DOCK8: variants seen among roughly 807,000 people sequenced by gnomAD.
DOCK8 encodes dedicator of cytokinesis protein 8.
Under a neutral mutation model 245.6 loss-of-function variants are expected in DOCK8, and 141 were observed. The observed-to-expected ratio is 0.57, with a 90% CI of 0.50 to 0.66. The LOEUF is 0.66. Ranked by LOEUF, DOCK8 falls within the 30% of genes least tolerant of loss-of-function variation. DOCK8 has a pLI of 0.00. For missense variants in DOCK8, 2,965 were observed against 2,603.4 expected (o/e 1.14, Z -3.02); for synonymous variants, 1,168 against 970.2 (o/e 1.20, Z -3.79).
chr9:319,784 GAA>G (rs533073287), intron 7 of DOCK8, among the ~76,000 whole-genome samples: 5 of 134,532 alleles, frequency 3.7e-5, no homozygotes, highest in East Asian at 2.1e-4. Context: ...GTTTGTAACA[GAA>G]AAAAAAAAAA....
At chr9:324,008 A>G (rs1229002683) in intron 7 of DOCK8, among the ~76,000 whole-genome samples, 1 of 152,220 alleles carries the variant, frequency 6.6e-6, no homozygotes, top group Admixed American at 6.5e-5. Context: ...ACATCATTAT[A>G]CGTGATCCTC....
intron 44 of DOCK8, 23 bp from the exon 45 acceptor site, chr9:449,761 C>G: frequency 2.5e-6 from 4 of 1,612,260 alleles, no homozygotes; most frequent in Admixed American, 1.7e-5. Context: ...AGTGACTTCC[C>G]TATGTTTACG....
At chr9:440,012 C>CT (rs2057038561) in intron 40 of DOCK8, among the ~76,000 whole-genome samples, 1 of 152,078 alleles carries the variant, frequency 6.6e-6, no homozygotes, top group African/African-American at 2.4e-5. Context: ...AGGAAACACT[C>CT]TTGTCTATTT....
At chr9:452,697 C>T (rs1307026951) in intron 46 of DOCK8, 1 of 152,330 alleles carries the variant, frequency 6.6e-6, no homozygotes, top group Non-Finnish European at 1.5e-5. Flanking sequence ...AACTTAAAAA[C>T]ATACACTGCC....
rs1442963492 is a variant in DOCK8, at chr9:336,622, T to C, written c.1326T>C (p.Ser442=). The C allele has an allele frequency of 2.5e-6, 4 of 1,614,070 alleles. No homozygotes were observed. Among genetic ancestry groups the C allele is most frequent in the African/African-American group, 1.3e-5 (1 of 74,934 alleles). The change falls in exon 12 of 48, where the codon TCT becomes TCC. Residue 442 remains serine (S), a synonymous_variant. Transcript: ENST00000432829. Reference sequence around the variant, plus strand: ...GTGAACGGAGGACATTGGCCCAATCTAGAAGGCTTTCTGAAAGAGCCCTCT... The same window carrying C: ...GTGAACGGAGGACATTGGCCCAATCCAGAAGGCTTTCTGAAAGAGCCCTCT... ...SVGERRTLAQ[S]RRLSERALSL... is the part of the protein sequence containing the mutation.
chr9:280,119 AG>A (rs34324925), intron 2 of DOCK8, among the ~76,000 whole-genome samples: 6 of 152,108 alleles, frequency 3.9e-5, no homozygotes, highest in African/African-American at 1.4e-4. Flanking sequence ...GACATGTGTT[AG>A]GGGCAAGGGA....
At chr9:354,498 C>G (rs1484204857) in intron 14 of DOCK8, among the ~76,000 whole-genome samples, 2 of 152,178 alleles carry the variant, frequency 1.3e-5, no homozygotes, top group African/African-American at 4.8e-5. Context: ...ATAACAAAAC[C>G]TTTGCAGCTC....
chr9:283,636 CAT>C (rs943541939), intron 2 of DOCK8, among the ~76,000 whole-genome samples: 9 of 152,146 alleles, frequency 5.9e-5, no homozygotes, highest in Admixed American at 6.5e-5. Context: ...TAAATGAAAA[CAT>C]GTGATATCTG....
intron 5 of DOCK8, among the ~76,000 whole-genome samples, 193 bp downstream of exon 5, chr9:304,897 C>T (rs189328245): frequency 6.6e-6 from 1 of 151,948 alleles, no homozygotes; most frequent in Admixed American, 6.6e-5. Flanking sequence ...AATGAAAACC[C>T]AGAAACCCAA....
At chr9:229,957 G>A (rs1373975389) in intron 1 of DOCK8, among the ~76,000 whole-genome samples, 2 of 151,148 alleles carry the variant, frequency 1.3e-5, no homozygotes, top group South Asian at 4.2e-4. Flanking sequence ...ACAACATGCA[G>A]GTTTGTTACA....
At chr9:262,486 C>A (rs2047940683) in intron 1 of DOCK8, among the ~76,000 whole-genome samples, 1 of 149,212 alleles carries the variant, frequency 6.7e-6, no homozygotes, top group South Asian at 2.2e-4. Context: ...AGGAATACTC[C>A]TCTATAATAA....
At chr9:392,152 AAGAG>A (rs1385258232) in intron 24 of DOCK8, among the ~76,000 whole-genome samples, 3 of 151,562 alleles carry the variant, frequency 2.0e-5, no homozygotes, top group African/African-American at 4.8e-5. Flanking sequence ...AAAAAAAAAA[AAGAG>A]AGAGGGACTA....
chr9:361,816 A>T (rs992918157), intron 14 of DOCK8, among the ~76,000 whole-genome samples: 1 of 152,176 alleles, frequency 6.6e-6, no homozygotes, highest in African/African-American at 2.4e-5. Flanking sequence ...TCGAAATAAA[A>T]TCTACTTTTT....
At chr9:335,783 AC>A (rs2130889729) in intron 11 of DOCK8, among the ~76,000 whole-genome samples, 2 of 152,316 alleles carry the variant, frequency 1.3e-5, no homozygotes, top group African/African-American at 4.8e-5. Context: ...CATGTATTAT[AC>A]TGAGGCAGAA....
rs561625684 is a variant in DOCK8, at chr9:238,401, A to G, written c.53+23372A>G. ...CGTTTCTGAGGTAGCATGTAATACA[A>G]CTGGCACAGGGTTCCACACTTGGTA... On this transcript the variant is annotated intron_variant, in intron 1 of 47. Coordinates refer to ENST00000432829, the MANE Select transcript of DOCK8 (RefSeq NM_203447.4). Among the ~76,000 whole-genome samples the G allele has an allele frequency of 2.6e-5, 4 of 152,352 alleles. No homozygotes were observed. The East Asian group carries it at 5.8e-4, about 22-fold the overall frequency.
In DOCK8 at chr9:286,540, T is replaced by C. The variant is rs754852811; in HGVS notation, c.236T>C (p.Leu79Pro). The C allele has an allele frequency of 5.6e-6, 9 of 1,614,016 alleles. No individual in the cohort carries two copies. Among genetic ancestry groups the C allele is most frequent in the Admixed American group, 3.3e-5 (2 of 60,012 alleles). ...CACCTGAACAGCCTGGATGTGCAGC[T>C]TGCCCAGGAGCTCGGGGACTTCACT... The part of the protein sequence containing the change: ...MTHLNSLDVQ[L>P]AQELGDFTDD... Residue 79 changes from leucine to proline, a missense_variant, in exon 3 of 48, where the codon CTT becomes CCT. Transcript: ENST00000432829.
intron 4 of DOCK8, among the ~76,000 whole-genome samples, chr9:289,850 A>C (rs2048967054): frequency 6.6e-6 from 1 of 152,176 alleles, no homozygotes; most frequent in South Asian, 2.1e-4. Flanking sequence ...GTTTACATTA[A>C]TGTTTACTTT....
chr9:399,082 G>A, intron 25 of DOCK8, 64 bp from the exon 26 acceptor site: 15 of 1,478,872 alleles, frequency 1.0e-5, no homozygotes, highest in Non-Finnish European at 1.4e-5. Flanking sequence ...GTTCCCACCA[G>A]TGACCTGGAA....
At chr9:285,458 A>G (rs2048781544) in intron 2 of DOCK8, among the ~76,000 whole-genome samples, 2 of 152,108 alleles carry the variant, frequency 1.3e-5, no homozygotes, top group Non-Finnish European at 2.9e-5. Flanking sequence ...GAAAAACAGT[A>G]ACTTCCCCAC....
Sources: allele counts gnomAD v4.1 joint callset (sites outside exome capture counted in the v4.1 genomes callset), GRCh38; gene constraint gnomAD v4.1.1; transcripts MANE v1.5; gene names NCBI Gene and HGNC (gene_info 2026-07-23, HGNC 2026-07-21).